SEMA6D: variants seen among roughly 807,000 people sequenced by gnomAD.
The protein encoded by SEMA6D is semaphorin 6D.
SEMA6D carries 35 observed loss-of-function variants against 106.6 expected under a neutral mutation model. The observed-to-expected ratio is 0.33, with a 90% CI of 0.25 to 0.44. The LOEUF is 0.44. Ranked by LOEUF, SEMA6D falls within the 20% of genes least tolerant of loss-of-function variation. SEMA6D has a pLI of 1.00. For missense variants in SEMA6D, 1,185 were observed against 1,345.9 expected (o/e 0.88, Z 1.87); for synonymous variants, 499 against 487.7 (o/e 1.02, Z -0.31).
intron 1 of SEMA6D, among the ~76,000 whole-genome samples, chr15:47,393,780 TG>T: frequency 6.6e-6 from 1 of 152,338 alleles, no homozygotes; most frequent in South Asian, 2.1e-4. Context: ...TGTTAGAAGT[TG>T]TCCACTTCCA....
At chr15:47,290,340 A>G (rs926782444) in intron 1 of SEMA6D, among the ~76,000 whole-genome samples, 2 of 152,172 alleles carry the variant, frequency 1.3e-5, no homozygotes, top group African/African-American at 2.4e-5. Flanking sequence ...CCAGTCTCAC[A>G]TTCTCAGAGG....
At chr15:47,733,304 A>G (rs537880375) in intron 1 of SEMA6D, among the ~76,000 whole-genome samples, 235 of 152,324 alleles carry the variant, frequency 1.5e-3, no homozygotes, top group African/African-American at 5.5e-3. Context: ...TCCTGGTACA[A>G]TAATACAATA....
At chr15:47,537,827 G>A (rs1464571649) in intron 3 of SEMA6D, among the ~76,000 whole-genome samples, 2 of 152,180 alleles carry the variant, frequency 1.3e-5, no homozygotes, top group Non-Finnish European at 2.9e-5. Flanking sequence ...CTGTCAGTGG[G>A]AATGGGAATG....
chr15:47,443,464 TACA>T (rs1286534913), intron 2 of SEMA6D, among the ~76,000 whole-genome samples: 3 of 152,056 alleles, frequency 2.0e-5, no homozygotes, highest in African/African-American at 7.2e-5. Flanking sequence ...GTCCCAAGAC[TACA>T]ACAACACAGA....
chr15:47,383,532 G>A (rs371578076), intron 1 of SEMA6D, among the ~76,000 whole-genome samples: 7 of 152,208 alleles, frequency 4.6e-5, no homozygotes, highest in East Asian at 3.9e-4. Context: ...TCCACATGTG[G>A]CACTGCCAGG....
Position 47,739,276 on chromosome 15 carries a change from T to C in SEMA6D, c.-54-20469T>C, listed in dbSNP as rs185890850. 2.0e-4 allele frequency among the ~76,000 whole-genome samples: 31 copies of C among 152,306 alleles called. No homozygotes were observed. The East Asian group carries it at 5.4e-3, about 27-fold the overall frequency. On this transcript the variant is annotated intron_variant, in intron 1 of 18. Coordinates refer to ENST00000536845, the MANE Select transcript of SEMA6D (RefSeq NM_001358351.3). Reference sequence around the variant, plus strand: ...GAAAAACTAGATAGTTGGAGCACAGTGGACTAGTAGATATTATAGCACCAA... The same window carrying C: ...GAAAAACTAGATAGTTGGAGCACAGCGGACTAGTAGATATTATAGCACCAA...
intron 3 of SEMA6D, among the ~76,000 whole-genome samples, chr15:47,514,230 C>T (rs934133000): frequency 6.6e-6 from 1 of 152,202 alleles, no homozygotes; most frequent in African/African-American, 2.4e-5. Flanking sequence ...AAGAGACTCT[C>T]TTAGAACACC....
At chr15:47,743,526 C>T (rs902449509) in intron 1 of SEMA6D, among the ~76,000 whole-genome samples, 1 of 151,920 alleles carries the variant, frequency 6.6e-6, no homozygotes, top group Non-Finnish European at 1.5e-5. Flanking sequence ...ACCTACAGTG[C>T]GGGGGAGTAA....
At chr15:47,374,808 A>G (rs567206416) in intron 1 of SEMA6D, among the ~76,000 whole-genome samples, 2 of 152,292 alleles carry the variant, frequency 1.3e-5, no homozygotes, top group East Asian at 1.9e-4. Flanking sequence ...GGAACCAGAT[A>G]TAGAAACATC....
intron 3 of SEMA6D, among the ~76,000 whole-genome samples, chr15:47,553,081 T>G (rs1431971320): frequency 6.7e-6 from 1 of 149,610 alleles, no homozygotes; most frequent in Non-Finnish European, 1.5e-5. Context: ...TTTTTGTATT[T>G]TTATTAGAGA....
intron 1 of SEMA6D, among the ~76,000 whole-genome samples, chr15:47,271,620 G>C (rs189233888): frequency 3.3e-4 from 50 of 152,160 alleles, no homozygotes; most frequent in Non-Finnish European, 6.3e-4. Context: ...ACTCTTGTTG[G>C]TGCTCTTCCT....
At chr15:47,341,550 G>A (rs910678738) in intron 1 of SEMA6D, among the ~76,000 whole-genome samples, 2 of 152,092 alleles carry the variant, frequency 1.3e-5, no homozygotes, top group South Asian at 4.1e-4. Context: ...TATTCTCCCA[G>A]AACCTTCCCA....
At chr15:47,310,455 T>G (rs2036405889) in intron 1 of SEMA6D, among the ~76,000 whole-genome samples, 2 of 152,194 alleles carry the variant, frequency 1.3e-5, no homozygotes, top group Non-Finnish European at 2.9e-5. Context: ...AATGAGCCAA[T>G]TGCTCTTTTC....
chr15:47,598,119 G>T (rs572297177), intron 3 of SEMA6D, among the ~76,000 whole-genome samples: 1 of 151,976 alleles, frequency 6.6e-6, no homozygotes, highest in African/African-American at 2.4e-5. Flanking sequence ...AAGCATCCAG[G>T]ACCACCACCT....
At chr15:47,656,531 A>G (rs999399991) in intron 4 of SEMA6D, among the ~76,000 whole-genome samples, 1 of 152,190 alleles carries the variant, frequency 6.6e-6, no homozygotes. Context: ...CAATGAACAC[A>G]CTTACTCTAT....
At chr15:47,489,948 G>T (rs183632872) in intron 3 of SEMA6D, among the ~76,000 whole-genome samples, 22 of 152,152 alleles carry the variant, frequency 1.4e-4, no homozygotes, top group Non-Finnish European at 3.1e-4. Context: ...CACCACTCTC[G>T]GCTGCACAGT....
At chr15:47,591,956 C>T (rs989493141) in intron 3 of SEMA6D, among the ~76,000 whole-genome samples, 1 of 152,214 alleles carries the variant, frequency 6.6e-6, no homozygotes, top group South Asian at 2.1e-4. Context: ...CGGTCACATA[C>T]ACCACAAGAC....
At chr15:47,426,017 A>G (rs2041325475) in intron 2 of SEMA6D, among the ~76,000 whole-genome samples, 1 of 151,706 alleles carries the variant, frequency 6.6e-6, no homozygotes. Flanking sequence ...CCTGTAAGAC[A>G]CTCCTTAGTT....
At chr15:47,381,150 T>A (rs1779511999) in intron 1 of SEMA6D, among the ~76,000 whole-genome samples, 1 of 152,270 alleles carries the variant, frequency 6.6e-6, no homozygotes, top group Admixed American at 6.5e-5. Flanking sequence ...TCAACATTAC[T>A]GCAGCAGAAA....
Sources: gnomAD v4.1 joint callset for allele counts (sites outside exome capture counted in the v4.1 genomes callset) on GRCh38, gnomAD v4.1.1 for gene constraint, MANE v1.5 for transcripts, NCBI Gene and HGNC (gene_info 2026-07-23, HGNC 2026-07-21) for gene names.